Variants in HRH1 observed in about 807,000 individuals in gnomAD.
The protein encoded by HRH1 is histamine receptor H1, also known as histamine H1 receptor.
A neutral mutation model predicts 10.3 loss-of-function variants in HRH1; 6 were observed. The observed-to-expected ratio is 0.58, with a 90% CI of 0.32 to 1.15. The LOEUF (loss-of-function observed/expected upper bound fraction) is 1.15. HRH1 is among the 50% of genes most tolerant of loss of function. HRH1 has a pLI of 0.05. For missense variants in HRH1, 514 were observed against 615.3 expected (o/e 0.84, Z 1.74); for synonymous variants, 242 against 236.7 (o/e 1.02, Z -0.21).
chr3:11,207,721 T>C lies in HRH1; in HGVS notation c.-35-51282T>C, dbSNP rs532885261. 3.2e-4 allele frequency among the ~76,000 whole-genome samples: 48 copies of C among 152,290 alleles called. 2 individuals are homozygous for C. The Middle Eastern group carries it at 0.02, about 65-fold the overall frequency. On this transcript the variant is annotated intron_variant, in intron 1 of 1. Coordinates refer to ENST00000431010, the MANE Select transcript of HRH1 (RefSeq NM_001098212.2). ...TCAAAAAGCTTCCCTCCTAGGGTGATTCTGAGAAGGTGTGCAAGAAATTTC... is the reference window on the plus strand; with the variant it reads ...TCAAAAAGCTTCCCTCCTAGGGTGACTCTGAGAAGGTGTGCAAGAAATTTC...
intron 1 of HRH1, among the ~76,000 whole-genome samples, chr3:11,244,416 G>A (rs1939428314): frequency 6.6e-6 from 1 of 152,212 alleles, no homozygotes; most frequent in Non-Finnish European, 1.5e-5. Flanking sequence ...AGACATGAGA[G>A]GAGACTATTA....
At position 11,219,332 on chromosome 3, in the gene HRH1, G is replaced by A. The variant is rs184711916; in HGVS notation, c.-35-39671G>A. On this transcript the variant is annotated intron_variant, in intron 1 of 1. Transcript: ENST00000431010. The stretch of plus-strand genomic sequence containing the variant: ...ATGGTGGCGATGAGTTCATGGTTGC[G>A]TGGTTGTGAATGTAGTTAGTATCAT... Among the ~76,000 whole-genome samples, 45 of 152,302 alleles carry A rather than the reference G, an allele frequency of 3.0e-4. 1 individual carries two copies. The highest frequency in any genetic ancestry group is 3.4e-3 in the Middle Eastern group (1 of 294).
intron 1 of HRH1, among the ~76,000 whole-genome samples, chr3:11,252,008 A>ATGGCTACGCC (rs1447876624): frequency 6.6e-6 from 1 of 152,210 alleles, no homozygotes; most frequent in Non-Finnish European, 1.5e-5. Context: ...CCTTGTTTAC[A>ATGGCTACGCC]TTGACGAAAA....
At chr3:11,257,848 C>T (rs1166829441) in intron 1 of HRH1, among the ~76,000 whole-genome samples, 1 of 152,116 alleles carries the variant, frequency 6.6e-6, no homozygotes, top group Non-Finnish European at 1.5e-5. Context: ...CAGGATTCCA[C>T]TGTGTTGCCC....
At chr3:11,236,812 G>A (rs1247769560) in intron 1 of HRH1, among the ~76,000 whole-genome samples, 1 of 152,236 alleles carries the variant, frequency 6.6e-6, no homozygotes, top group African/African-American at 2.4e-5. Flanking sequence ...AGAGCCCCAG[G>A]TGTGGGATGA....
chr3:11,244,412 G>A (rs1939428206), intron 1 of HRH1, among the ~76,000 whole-genome samples: 1 of 152,236 alleles, frequency 6.6e-6, no homozygotes, highest in Non-Finnish European at 1.5e-5. Context: ...TCTTAGACAT[G>A]AGAGGAGACT....
Position 11,259,166 on chromosome 3 carries a change from G to T in HRH1, c.129G>T (p.Gly43=). ...GCACTATCTGCTTGGTCACAGTAGG[G>T]CTCAACCTGCTGGTGCTGTATGCCG... ...VLSTICLVTV[G]LNLLVLYAVR... Residue 43 remains glycine (G), a synonymous_variant, in exon 2 of 2, where the codon GGG becomes GGT. Transcript: ENST00000431010. The surrounding 1 kb of genome is among the most constrained non-coding windows in gnomAD (Gnocchi z 4.6). The T allele has an allele frequency of 1.9e-6, 3 of 1,613,924 alleles. No homozygotes were observed. The highest frequency in any genetic ancestry group is 2.5e-6 in the Non-Finnish European group (3 of 1,180,018).
rs543634604 is a variant in HRH1, at chr3:11,216,857, G to A, written c.-35-42146G>A. On this transcript the variant is annotated intron_variant, in intron 1 of 1. Coordinates refer to ENST00000431010, the MANE Select transcript of HRH1 (RefSeq NM_001098212.2). ...GTTGTACCACTGCACACCAGCCTGG[G>A]TGACAAAGCTAGATTCTGTCTCAAA... Among the ~76,000 whole-genome samples the A allele has an allele frequency of 9.6e-4, 146 of 151,372 alleles. 1 individual carries two copies. The highest frequency in any genetic ancestry group is 3.2e-3 in the African/African-American group (133 of 41,228).
chr3:11,261,344 G>A lies in HRH1; in HGVS notation c.*843G>A, dbSNP rs904195690. ...GCAGAATGCCATATTTTTGAGGGCT[G>A]TACTAGGTTTATCTCATTTAAGCCC... On this transcript the variant is annotated 3_prime_UTR_variant, in exon 2 of 2. Coordinates refer to ENST00000431010, the MANE Select transcript of HRH1 (RefSeq NM_001098212.2). 6.0e-6 allele frequency: 1 copy of A among 167,062 alleles called. No individual in the cohort carries two copies. The highest frequency in any genetic ancestry group is 1.5e-5 in the Non-Finnish European group (1 of 68,108). 10.3% of individuals were successfully genotyped at this position (167,062 alleles called of 1,614,324 possible).
intron 1 of HRH1, among the ~76,000 whole-genome samples, chr3:11,249,226 C>A (rs1461492701): frequency 6.6e-6 from 1 of 151,680 alleles, no homozygotes; most frequent in Non-Finnish European, 1.5e-5. Context: ...GAAACCCCGT[C>A]TCTACTAAAA....
At chr3:11,220,399 TGAG>T (rs1938667741) in intron 1 of HRH1, among the ~76,000 whole-genome samples, 2 of 152,216 alleles carry the variant, frequency 1.3e-5, no homozygotes, top group Admixed American at 1.3e-4. Flanking sequence ...ACAGTACTGC[TGAG>T]GTGCAGTGTC....
At chr3:11,224,785 A>T (rs1234389266) in intron 1 of HRH1, among the ~76,000 whole-genome samples, 3 of 151,992 alleles carry the variant, frequency 2.0e-5, no homozygotes, top group Non-Finnish European at 4.4e-5. Context: ...GTGAGGTTGG[A>T]CCAGGGGCAT....
At chr3:11,209,796 T>G (rs1938263284) in intron 1 of HRH1, among the ~76,000 whole-genome samples, 2 of 152,326 alleles carry the variant, frequency 1.3e-5, no homozygotes, top group Admixed American at 6.5e-5. Context: ...GTACTCTATT[T>G]TACAGAGGAG....
chr3:11,198,664 G>A (rs964836673), intron 1 of HRH1, among the ~76,000 whole-genome samples: 1 of 150,506 alleles, frequency 6.6e-6, no homozygotes, highest in African/African-American at 2.5e-5. Flanking sequence ...TTGAGCCCAG[G>A]AGTTCGAGGT....
chr3:11,201,824 C>A (rs1387877357), intron 1 of HRH1, among the ~76,000 whole-genome samples: 1 of 152,324 alleles, frequency 6.6e-6, no homozygotes, highest in East Asian at 1.9e-4. Context: ...GACCTTGCCC[C>A]TCTCTGTGAA....
chr3:11,138,753 C>T (rs1171751045), intron 1 of HRH1, among the ~76,000 whole-genome samples: 2 of 149,076 alleles, frequency 1.3e-5, no homozygotes, highest in Non-Finnish European at 3.0e-5. Flanking sequence ...CAGCTCACTG[C>T]AGCCTCCATC....
rs146608731 is a variant in HRH1 at position 11,189,935 on chromosome 3, G to T, written c.-36+35381G>T. 6.1e-3 allele frequency among the ~76,000 whole-genome samples: 924 copies of T among 152,232 alleles called. 7 individuals are homozygous for T. The highest frequency in any genetic ancestry group is 0.021 in the African/African-American group (874 of 41,524). On this transcript the variant is annotated intron_variant, in intron 1 of 1. Coordinates refer to ENST00000431010, the MANE Select transcript of HRH1 (RefSeq NM_001098212.2). ...GCTGCACTCCAGCCTGGGTGACAGA[G>T]TGAGACTCTGTTTCAAAAAAAGAAA...
chr3:11,207,943 T>G (rs369573721), intron 1 of HRH1, among the ~76,000 whole-genome samples: 7 of 152,056 alleles, frequency 4.6e-5, no homozygotes, highest in African/African-American at 1.2e-4. Context: ...AATGGGTAAA[T>G]AAAAGGAAGA....
chr3:11,159,202 T>C (rs1303685876), intron 1 of HRH1, among the ~76,000 whole-genome samples: 6 of 152,244 alleles, frequency 3.9e-5, no homozygotes, highest in Non-Finnish European at 4.4e-5. Flanking sequence ...GAGCTGAGAT[T>C]GCACCACTGC....
Sources: gnomAD v4.1 joint callset for allele counts (sites outside exome capture counted in the v4.1 genomes callset) on GRCh38, gnomAD v4.1.1 for gene constraint, Gnocchi (gnomAD v3.1) non-coding constraint, MANE v1.5 for transcripts, NCBI Gene and HGNC (gene_info 2026-07-23, HGNC 2026-07-21) for gene names.